TBXAS1: variants seen among roughly 807,000 people sequenced by gnomAD.
TBXAS1 encodes thromboxane-A synthase.
A neutral mutation model predicts 60.7 loss-of-function variants in TBXAS1; 48 were observed. The ratio of observed to expected loss-of-function variants is 0.79; its 90% CI spans 0.63 to 1.01. TBXAS1 has a LOEUF of 1.01. Ranked by LOEUF, TBXAS1 falls within the 50% of genes least tolerant of loss-of-function variation. The probability of loss-of-function intolerance (pLI) is 0.00; values close to 1 mark genes in which losing one functional copy is unlikely to be tolerated. For missense variants in TBXAS1, 685 were observed against 686.3 expected, an observed-to-expected ratio of 1.00 and a Z score of 0.02; for synonymous variants, 287 against 269.7, an observed-to-expected ratio of 1.06 and a Z score of -0.63.
At chr7:139,863,126 T>G (rs1287585976) in intron 1 of TBXAS1, among the ~76,000 whole-genome samples, 1 of 152,194 alleles carries the variant, frequency 6.6e-6, no homozygotes, top group African/African-American at 2.4e-5. Flanking sequence ...AGACAGTATA[T>G]AAAAAGTACT....
chr7:139,998,961 A>C (rs1813481824), intron 9 of TBXAS1, among the ~76,000 whole-genome samples: 1 of 152,226 alleles, frequency 6.6e-6, no homozygotes, highest in Non-Finnish European at 1.5e-5. Flanking sequence ...ACACTCTCTT[A>C]ATTACTTTTT....
rs753166744 is a variant in TBXAS1, at chr7:139,872,331, A to G, written c.183+3A>G. ...GAAACTTGACATTTTTCCGCCAGGT[A>G]AGGGCTGTCTTCCATTGGCTTCCAT... On this transcript the variant is annotated splice_donor_region_variant and intron_variant, in intron 2 of 12. Coordinates refer to ENST00000448866, the MANE Select transcript of TBXAS1 (RefSeq NM_001061.7). The G allele has an allele frequency of 1.2e-5, 19 of 1,613,234 alleles. No homozygotes were observed. The Admixed American group carries it at 2.0e-4, about 17-fold the overall frequency.
In TBXAS1 at chr7:139,922,118, C is replaced by T. The variant is rs75962940; in HGVS notation, c.333+10797C>T. ...CTTTTTCTTTTTTTTTTTTTTTCCC[C>T]GAGATGGAGTTTTGCTCTTGTTGCC... is the stretch of plus-strand genomic sequence containing the variant. On this transcript the variant is annotated intron_variant, in intron 4 of 12. Coordinates refer to ENST00000448866, the MANE Select transcript of TBXAS1 (RefSeq NM_001061.7). Among the ~76,000 whole-genome samples the T allele has an allele frequency of 1.1e-3, 168 of 148,588 alleles. 1 individual carries two copies. The highest frequency in any genetic ancestry group is 2.2e-3 in the Non-Finnish European group (147 of 67,248).
chr7:139,957,814 T>C (rs1451273508), intron 8 of TBXAS1, 50 bp downstream of exon 8: 1 of 1,612,270 alleles, frequency 6.2e-7, no homozygotes, highest in African/African-American at 1.3e-5. Context: ...GAGCCGACTT[T>C]GGCATCACTG....
At chr7:139,791,318 G>A (rs182952112) in intron 4 of TBXAS1, among the ~76,000 whole-genome samples, 6 of 152,318 alleles carry the variant, frequency 3.9e-5, no homozygotes, top group East Asian at 3.9e-4. Flanking sequence ...GGACTTAGGC[G>A]TCCCCTACCT....
intron 9 of TBXAS1, among the ~76,000 whole-genome samples, chr7:139,965,613 C>T (rs1254566561): frequency 6.6e-6 from 1 of 152,076 alleles, no homozygotes; most frequent in South Asian, 2.1e-4. Context: ...GCCTTAGACT[C>T]TCAAGGGCTC....
At chr7:139,868,525 C>T (rs1261906806) in intron 1 of TBXAS1, among the ~76,000 whole-genome samples, 1 of 151,392 alleles carries the variant, frequency 6.6e-6, no homozygotes, top group African/African-American at 2.4e-5. Context: ...GCTCTGTTGC[C>T]CAGGCTGGAG....
intron 4 of TBXAS1, among the ~76,000 whole-genome samples, chr7:139,799,075 CTTTT>C (rs59263161): frequency 8.4e-6 from 1 of 118,704 alleles, no homozygotes; most frequent in African/African-American, 3.4e-5. Context: ...CCATACACTG[CTTTT>C]TTTTTTTTTT....
At chr7:139,968,828 T>C (rs928733263) in intron 9 of TBXAS1, among the ~76,000 whole-genome samples, 4 of 152,166 alleles carry the variant, frequency 2.6e-5, no homozygotes, top group African/African-American at 9.7e-5. Flanking sequence ...AATTCAATAG[T>C]GGATGGGTGG....
At chr7:139,908,102 C>G (rs1805248167) in intron 3 of TBXAS1, among the ~76,000 whole-genome samples, 3 of 151,416 alleles carry the variant, frequency 2.0e-5, no homozygotes, top group Non-Finnish European at 4.4e-5. Context: ...TCCAAAGAAC[C>G]AGTTTTTCGT....
intron 4 of TBXAS1, among the ~76,000 whole-genome samples, chr7:139,819,170 A>G (rs1338954812): frequency 6.6e-6 from 1 of 152,138 alleles, no homozygotes; most frequent in Non-Finnish European, 1.5e-5. Flanking sequence ...CTCCTTTGCA[A>G]TTAGGGGTGG....
intron 4 of TBXAS1, among the ~76,000 whole-genome samples, chr7:139,819,826 A>G (rs1798250072): frequency 6.6e-6 from 1 of 151,838 alleles, no homozygotes; most frequent in African/African-American, 2.4e-5. Context: ...TCTTATTTCT[A>G]TATTGCCATA....
chr7:139,955,541 C>A lies in TBXAS1; in HGVS notation c.622C>A (p.Pro208Thr). ...PVDSWQAPED[P>T]FVKHCKRFFE... ...GGACTCCTGGCAGGCCCCTGAGGAT[C>A]CCTTTGTGAAACACTGCAAGCGTTT... Residue 208 changes from proline (P) to threonine (T), a missense_variant, in exon 7 of 13, where the codon CCC (proline) becomes ACC (threonine). Transcript: ENST00000448866. 1.2e-6 allele frequency: 2 copies of A among 1,614,218 alleles called. No individual in the cohort carries two copies. Among genetic ancestry groups the A allele is most frequent in the South Asian group, 2.2e-5 (2 of 91,086 alleles).
chr7:139,847,742 C>A (rs1004738937), intron 1 of TBXAS1, among the ~76,000 whole-genome samples: 6 of 152,202 alleles, frequency 3.9e-5, no homozygotes, highest in Non-Finnish European at 8.8e-5. Context: ...TTCAAGGCCA[C>A]CATTAAGTCT....
At chr7:139,934,902 T>C (rs1305671046) in intron 4 of TBXAS1, among the ~76,000 whole-genome samples, 1 of 152,192 alleles carries the variant, frequency 6.6e-6, no homozygotes, top group African/African-American at 2.4e-5. Flanking sequence ...AACCTCCGCC[T>C]CCTGGGTTTG....
intron 1 of TBXAS1, among the ~76,000 whole-genome samples, chr7:139,864,963 T>C (rs1801240794): frequency 6.6e-6 from 1 of 152,182 alleles, no homozygotes; most frequent in South Asian, 2.1e-4. Flanking sequence ...GAAGGAGATG[T>C]CCGATTCTTA....
chr7:139,952,014 A>AAAGAAAGAAAG (rs1569518460), intron 5 of TBXAS1, among the ~76,000 whole-genome samples: 510 of 40,112 alleles, frequency 0.013, 7 homozygotes, highest in Middle Eastern at 0.037. Flanking sequence ...AAGAAAGAAA[A>AAAGAAAGAAAG]AGAAAGGAAG....
intron 3 of TBXAS1, among the ~76,000 whole-genome samples, chr7:139,784,180 CTCTT>C (rs569752327): frequency 1.3e-4 from 17 of 128,260 alleles, no homozygotes; most frequent in South Asian, 5.8e-4. Flanking sequence ...TCCCTTCTTT[CTCTT>C]TCTTTCTTTC....
intron 1 of TBXAS1, among the ~76,000 whole-genome samples, chr7:139,851,527 T>A (rs1257328221): frequency 1.3e-5 from 2 of 152,252 alleles, no homozygotes; most frequent in African/African-American, 4.8e-5. Context: ...TTTCCCTGAT[T>A]TTTCTTTTCC....
Sources: gnomAD v4.1 joint callset for allele counts (sites outside exome capture counted in the v4.1 genomes callset) on GRCh38, gnomAD v4.1.1 for gene constraint, MANE v1.5 for transcripts, NCBI Gene and HGNC (gene_info 2026-07-23, HGNC 2026-07-21) for gene names.